ENTREP2: variants seen among roughly 807,000 people sequenced by gnomAD.
ENTREP2 encodes the protein protein ENTREP2.
At chr15:29,392,630 T>C in the ENTREP2 span, among the ~76,000 whole-genome samples, 3 of 152,206 alleles carry the variant, frequency 2.0e-5, no homozygotes, top group Non-Finnish European at 4.4e-5. Context: ...ACTTTTTGCC[T>C]GGTATGTTAG....
chr15:29,355,114 C>G, the ENTREP2 span, among the ~76,000 whole-genome samples: 5 of 152,110 alleles, frequency 3.3e-5, no homozygotes, highest in Non-Finnish European at 7.4e-5. Flanking sequence ...GTGAATCCTA[C>G]GAATTCAGGT....
the ENTREP2 span, among the ~76,000 whole-genome samples, chr15:29,164,271 C>CA: frequency 2.0e-5 from 3 of 152,006 alleles, no homozygotes; most frequent in African/African-American, 4.8e-5. Flanking sequence ...AAGGCAAAAA[C>CA]AAAAAACAAA....
chr15:29,128,812 G>A, the ENTREP2 span: 15 of 1,551,080 alleles, frequency 9.7e-6, no homozygotes, highest in Non-Finnish European at 1.3e-5. Flanking sequence ...GCCAGCACTG[G>A]TGTTTGGGTC....
At chr15:29,460,450 A>G in the ENTREP2 span, among the ~76,000 whole-genome samples, 1 of 152,076 alleles carries the variant, frequency 6.6e-6, no homozygotes. Flanking sequence ...TGGCCAACAT[A>G]GTGAAACCCC....
the ENTREP2 span, among the ~76,000 whole-genome samples, chr15:29,148,004 C>T: frequency 6.6e-6 from 1 of 152,126 alleles, no homozygotes; most frequent in Admixed American, 6.5e-5. Context: ...ATGAATGAAC[C>T]TTGAAAACAT....
chr15:29,528,897 A>T, the ENTREP2 span, among the ~76,000 whole-genome samples: 2 of 152,116 alleles, frequency 1.3e-5, no homozygotes, highest in African/African-American at 4.8e-5. Context: ...CAACCATTAA[A>T]AATAACTGGG....
At chr15:29,491,476 CCAT>C in the ENTREP2 span, among the ~76,000 whole-genome samples, 1 of 152,170 alleles carries the variant, frequency 6.6e-6, no homozygotes, top group African/African-American at 2.4e-5. Context: ...CTGGAACAAA[CCAT>C]CAATTCTTTT....
At chr15:29,301,088 GC>G in the ENTREP2 span, among the ~76,000 whole-genome samples, 22,771 of 152,050 alleles carry the variant, frequency 0.15, 2,266 homozygotes, top group African/African-American at 0.28. Flanking sequence ...GCACTTTTCT[GC>G]AAAGTTTGGA....
At chr15:29,442,681 T>C in the ENTREP2 span, among the ~76,000 whole-genome samples, 11 of 152,274 alleles carry the variant, frequency 7.2e-5, no homozygotes, top group Admixed American at 2.6e-4. Flanking sequence ...AGTGGCCTGA[T>C]TGGAGGGCAC....
the ENTREP2 span, among the ~76,000 whole-genome samples, chr15:29,202,333 GTTTCT>G: frequency 6.6e-6 from 1 of 151,502 alleles, no homozygotes; most frequent in African/African-American, 2.4e-5. Context: ...TCTTTATCTA[GTTTCT>G]TTTTTTAATT....
the ENTREP2 span, among the ~76,000 whole-genome samples, chr15:29,197,364 A>G: frequency 6.6e-6 from 1 of 152,204 alleles, no homozygotes. Flanking sequence ...GGGCAGGAGG[A>G]TTGCTTGAGC....
chr15:29,135,917 C>A, the ENTREP2 span, among the ~76,000 whole-genome samples: 1 of 151,748 alleles, frequency 6.6e-6, no homozygotes, highest in Non-Finnish European at 1.5e-5. The surrounding 1 kb of genome is among the most constrained non-coding windows in gnomAD (Gnocchi z 7.4). Context: ...GTACTCGGTC[C>A]ATGGACCCAG....
chr15:29,269,189 T>C, the ENTREP2 span: 29 of 1,614,180 alleles, frequency 1.8e-5, no homozygotes, highest in Non-Finnish European at 2.3e-5. Flanking sequence ...GTAGTGGGCG[T>C]GCCTTGGTCA....
chr15:29,287,389 A>G, the ENTREP2 span, among the ~76,000 whole-genome samples: 1 of 117,874 alleles, frequency 8.5e-6, no homozygotes, highest in South Asian at 3.5e-4. Flanking sequence ...CCAGCAAAAA[A>G]AAAAAAAAGA....
chr15:29,351,180 C>T, the ENTREP2 span, among the ~76,000 whole-genome samples: 9 of 152,166 alleles, frequency 5.9e-5, no homozygotes, highest in African/African-American at 1.9e-4. Context: ...GCCTATTGCT[C>T]CTGGGCTACA....
At chr15:29,282,140 T>C in the ENTREP2 span, among the ~76,000 whole-genome samples, 1 of 152,236 alleles carries the variant, frequency 6.6e-6, no homozygotes, top group Non-Finnish European at 1.5e-5. Context: ...AATCTCATCT[T>C]AGCTCCCATA....
chr15:29,610,373 A>C, the ENTREP2 span: 1 of 150,526 alleles, frequency 6.6e-6, no homozygotes, highest in Non-Finnish European at 1.5e-5. Flanking sequence ...GAAGGCACCC[A>C]AGGTTTTCTG....
chr15:29,591,243 T>C, the ENTREP2 span, among the ~76,000 whole-genome samples: 2,592 of 152,334 alleles, frequency 0.017, 25 homozygotes, highest in Non-Finnish European at 0.025. Flanking sequence ...CATTTTCTTT[T>C]AAAGAACTCA....
chr15:29,510,809 C>CA, the ENTREP2 span, among the ~76,000 whole-genome samples: 480 of 124,190 alleles, frequency 3.9e-3, 2 homozygotes, highest in East Asian at 0.041. Flanking sequence ...GACTCCATCT[C>CA]AAAAAAAAAA....
Sources: gnomAD v4.1 joint callset for allele counts (sites outside exome capture counted in the v4.1 genomes callset) on GRCh38, gnomAD v4.1.1 for gene constraint, Gnocchi (gnomAD v3.1) non-coding constraint, MANE v1.5 for transcripts, NCBI Gene and HGNC (gene_info 2026-07-23, HGNC 2026-07-21) for gene names.